Variants in VPS13C observed in about 807,000 individuals in gnomAD.
VPS13C encodes the protein intermembrane lipid transfer protein VPS13C.
Under a neutral mutation model 456.8 loss-of-function variants are expected in VPS13C, and 358 were observed. The observed-to-expected ratio is 0.78, with a 90% CI of 0.72 to 0.86. VPS13C has a LOEUF of 0.86. VPS13C is among the 40% of genes least tolerant of loss of function. VPS13C has a pLI of 0.00. For synonymous variants in VPS13C, 1,578 were observed against 1,486.7 expected, an observed-to-expected ratio of 1.06 and a Z score of -1.41; for missense variants, 4,818 against 4,385.4, an observed-to-expected ratio of 1.10 and a Z score of -2.79.
chr15:62,012,391 C>T (rs1039038542), intron 11 of VPS13C, among the ~76,000 whole-genome samples: 1 of 151,754 alleles, frequency 6.6e-6, no homozygotes, highest in Non-Finnish European at 1.5e-5. Flanking sequence ...CTACAAACAA[C>T]CTTGTAGTAT....
intron 81 of VPS13C, chr15:61,864,676 T>G: frequency 1.0e-6 from 1 of 985,500 alleles, no homozygotes; most frequent in Non-Finnish European, 1.2e-6. Context: ...AAGCCATGAA[T>G]AAGGAAGAGG....
Position 61,988,818 on chromosome 15 carries a change from A to G in VPS13C, c.1578+2182T>C, listed in dbSNP as rs117359847. Among the ~76,000 whole-genome samples, 349 of 152,292 alleles carry G rather than the reference A, an allele frequency of 2.3e-3. 1 individual carries two copies. Among genetic ancestry groups the G allele is most frequent in the Non-Finnish European group, 4.2e-3 (288 of 68,012 alleles). On this transcript the variant is annotated intron_variant, in intron 18 of 84. Transcript: ENST00000644861. The stretch of plus-strand genomic sequence containing the variant: ...AAAGAGGTAAATGGAGAGCAGTGGC[A>G]AAGGCAACCGGTGCTATGTAAGGAG...
chr15:62,020,206 C>T (rs1398866084), intron 9 of VPS13C, among the ~76,000 whole-genome samples: 3 of 151,824 alleles, frequency 2.0e-5, no homozygotes, highest in African/African-American at 4.8e-5. Context: ...TCTTCCCCTA[C>T]TTCCCCCACA....
rs1189496726 is a variant in VPS13C at position 61,867,183 on chromosome 15, T to C, written c.10863+1476A>G. Reference sequence around the variant, plus strand: ...TGCCTAATTACATGTTCAACTTCTATCTACATTAATTAAAACTAATAATTA... The same window carrying C: ...TGCCTAATTACATGTTCAACTTCTACCTACATTAATTAAAACTAATAATTA... On this transcript the variant is annotated intron_variant, in intron 81 of 84. Coordinates refer to ENST00000644861, the MANE Select transcript of VPS13C (RefSeq NM_020821.3). The surrounding 1 kb of genome is among the most constrained non-coding windows in gnomAD (Gnocchi z 5.0). The C allele has an allele frequency of 2.0e-6, 2 of 983,686 alleles. No homozygotes were observed. Among genetic ancestry groups the C allele is most frequent in the Non-Finnish European group, 2.4e-6 (2 of 828,324 alleles). 60.9% of individuals were successfully genotyped at this position (983,686 alleles called of 1,614,324 possible).
At chr15:62,055,919 C>G (rs1331405562) in intron 1 of VPS13C, among the ~76,000 whole-genome samples, 1 of 152,164 alleles carries the variant, frequency 6.6e-6, no homozygotes, top group African/African-American at 2.4e-5. Context: ...AAGTTGTCCT[C>G]TGCATTGTAG....
At chr15:61,866,223 A>G in intron 81 of VPS13C, 1 of 985,010 alleles carries the variant, frequency 1.0e-6, no homozygotes, top group Non-Finnish European at 1.2e-6. Flanking sequence ...TCCTCTCATT[A>G]GTGTATAATC....
chr15:61,905,198 A>T (rs1402720386), intron 66 of VPS13C, among the ~76,000 whole-genome samples: 1 of 152,196 alleles, frequency 6.6e-6, no homozygotes. Flanking sequence ...TGATTATTGC[A>T]CATTTTATGT....
At chr15:61,887,903 T>A (rs1242502169) in intron 67 of VPS13C, among the ~76,000 whole-genome samples, 2 of 151,748 alleles carry the variant, frequency 1.3e-5, no homozygotes, top group Non-Finnish European at 2.9e-5. Flanking sequence ...GTTGAGAGAA[T>A]AAAAAGATAA....
intron 81 of VPS13C, chr15:61,866,680 C>T (rs1894619017): frequency 1.0e-6 from 1 of 985,204 alleles, no homozygotes; most frequent in Non-Finnish European, 1.2e-6. Context: ...TTAACAGTTA[C>T]ATGTTTTGTT....
intron 15 of VPS13C, among the ~76,000 whole-genome samples, chr15:62,001,732 T>G (rs148558847): frequency 1.3e-5 from 2 of 152,148 alleles, no homozygotes; most frequent in Admixed American, 6.5e-5. Flanking sequence ...TGTGTTCTCA[T>G]TGTTCAGTTC....
intron 32 of VPS13C, among the ~76,000 whole-genome samples, chr15:61,963,227 G>GC (rs1217661154): frequency 1.3e-5 from 2 of 151,894 alleles, no homozygotes; most frequent in Admixed American, 1.3e-4. Context: ...AAGGAAAAAA[G>GC]CCCCTAGTTT....
intron 1 of VPS13C, among the ~76,000 whole-genome samples, chr15:62,056,594 T>C (rs1357169824): frequency 6.6e-6 from 1 of 152,094 alleles, no homozygotes; most frequent in Non-Finnish European, 1.5e-5. Flanking sequence ...CCCGGGGGAG[T>C]TTAGATAAGA....
intron 1 of VPS13C, among the ~76,000 whole-genome samples, chr15:62,048,204 A>G (rs1036831077): frequency 4.0e-5 from 6 of 149,908 alleles, no homozygotes; most frequent in Admixed American, 1.3e-4. Context: ...TGCTGCACCC[A>G]TTAACTCGTC....
chr15:61,859,901 CAG>C (rs1326066547), intron 82 of VPS13C, among the ~76,000 whole-genome samples: 2 of 151,478 alleles, frequency 1.3e-5, no homozygotes, highest in African/African-American at 2.4e-5. Flanking sequence ...TAAACTATAG[CAG>C]AGTTAGGACC....
intron 16 of VPS13C, among the ~76,000 whole-genome samples, chr15:61,992,978 G>T (rs577269253): frequency 1.0e-3 from 154 of 152,010 alleles, no homozygotes; most frequent in African/African-American, 3.6e-3. Context: ...CATGATAAAG[G>T]GAATTAACTG....
intron 38 of VPS13C, 73 bp downstream of exon 38, chr15:61,954,348 A>G: frequency 6.7e-7 from 1 of 1,490,224 alleles, no homozygotes; most frequent in Non-Finnish European, 9.1e-7. Context: ...ATTATCTGTA[A>G]GTTTAGTAGA....
intron 42 of VPS13C, 116 bp from the exon 43 acceptor site, chr15:61,947,425 C>G: frequency 1.5e-6 from 1 of 664,074 alleles, no homozygotes; most frequent in Non-Finnish European, 2.6e-6. Flanking sequence ...ACCAAAATGC[C>G]CTCCATTAAG....
At chr15:61,907,457 A>G in intron 65 of VPS13C, 67 bp from the exon 66 acceptor site, 1 of 1,567,184 alleles carries the variant, frequency 6.4e-7, no homozygotes. Flanking sequence ...CCTGTAGTTT[A>G]CTGAGGAAGG....
intron 41 of VPS13C, 58 bp from the exon 42 acceptor site, chr15:61,949,663 G>C: frequency 6.6e-7 from 1 of 1,521,032 alleles, no homozygotes; most frequent in East Asian, 2.3e-5. Context: ...CTTTACATCA[G>C]GGTTCAACAG....
Sources: gnomAD v4.1 joint callset for allele counts (sites outside exome capture counted in the v4.1 genomes callset) on GRCh38, gnomAD v4.1.1 for gene constraint, Gnocchi (gnomAD v3.1) non-coding constraint, MANE v1.5 for transcripts, NCBI Gene and HGNC (gene_info 2026-07-23, HGNC 2026-07-21) for gene names.